The following AAR2 variants were observed in gnomAD, a reference collection of about 807,000 sequenced individuals.
AAR2 encodes protein AAR2 homolog.
A neutral mutation model predicts 26.9 loss-of-function variants in AAR2; 31 were observed. That is an observed-to-expected ratio of 1.15 (90% CI 0.86 to 1.55). The LOEUF (loss-of-function observed/expected upper bound fraction) is 1.55, where lower values mean the gene tolerates loss of function less well. Among genes scored for constraint, AAR2 ranks in the 40% most tolerant of loss-of-function variants. AAR2 has a pLI of 0.00. For synonymous variants in AAR2, 188 were observed against 196.1 expected (o/e 0.96, Z 0.34); for missense variants, 430 against 491.3 (o/e 0.88, Z 1.18).
intron 3 of AAR2, among the ~76,000 whole-genome samples, chr20:36,252,209 C>T (rs2064785380): frequency 6.6e-6 from 1 of 152,200 alleles, no homozygotes; most frequent in African/African-American, 2.4e-5. Flanking sequence ...ATGAGCCTTT[C>T]TTTCTCCCCA....
At chr20:36,242,407 T>C (rs2064692275) in intron 2 of AAR2, among the ~76,000 whole-genome samples, 1 of 145,946 alleles carries the variant, frequency 6.9e-6, no homozygotes, top group Non-Finnish European at 1.5e-5. Flanking sequence ...GTTGTTGTTG[T>C]TGAGACGGAG....
chr20:36,238,589 G>C (rs1279768399), intron 1 of AAR2, among the ~76,000 whole-genome samples: 2 of 151,774 alleles, frequency 1.3e-5, no homozygotes, highest in Non-Finnish European at 2.9e-5. Flanking sequence ...GACCCTCTCT[G>C]TACTAAAAAT....
chr20:36,245,216 G>A (rs542465154), intron 3 of AAR2, among the ~76,000 whole-genome samples: 8 of 152,196 alleles, frequency 5.3e-5, no homozygotes, highest in East Asian at 1.9e-4. Context: ...TTAAAACAGC[G>A]TTTCTTTCTC....
chr20:36,242,020 T>C (rs11700298), intron 2 of AAR2, among the ~76,000 whole-genome samples: 31,824 of 151,994 alleles, frequency 0.21, 3,426 homozygotes, highest in Middle Eastern at 0.25. Flanking sequence ...ATTTCTTAAA[T>C]ACTAGTGACA....
chr20:36,252,903 C>T (rs1317920966), intron 3 of AAR2, among the ~76,000 whole-genome samples: 1 of 152,190 alleles, frequency 6.6e-6, no homozygotes, highest in East Asian at 1.9e-4. Flanking sequence ...CAGGCGGGCT[C>T]CACTGGCTGC....
At chr20:36,242,942 C>T (rs1296840984) in intron 2 of AAR2, among the ~76,000 whole-genome samples, 2 of 148,960 alleles carry the variant, frequency 1.3e-5, no homozygotes, top group African/African-American at 5.0e-5. Flanking sequence ...ACTGCAGCCT[C>T]AACCTCCTGG....
At chr20:36,237,750 GTATTATTATTATTATTATTAT>G (rs71184090) in intron 1 of AAR2, among the ~76,000 whole-genome samples, 3,203 of 139,040 alleles carry the variant, frequency 0.023, 86 homozygotes, top group African/African-American at 0.068. Flanking sequence ...AAGATGATAC[GTATTATTATTATTATTATTAT>G]TATTATTATT....
rs770612106 is a variant in AAR2, at chr20:36,240,181, G to A, written c.313G>A (p.Glu105Lys). 6.2e-7 allele frequency: 1 copy of A among 1,614,174 alleles called. No homozygotes were observed. The highest frequency in any genetic ancestry group is 8.5e-7 in the Non-Finnish European group (1 of 1,180,014). Reference sequence around the variant, plus strand: ...AGAGGTAGACCTGTCCCCAGCCCCAGAGTCTGAGGTGGAGGCCATGAGGGC... The same window carrying A: ...AGAGGTAGACCTGTCCCCAGCCCCAAAGTCTGAGGTGGAGGCCATGAGGGC... ...REEVDLSPAP[E>K]SEVEAMRANL... Residue 105 changes from glutamate (E) to lysine (K), a missense_variant, in exon 2 of 4, where the codon GAG becomes AAG. Transcript: ENST00000320849.
chr20:36,248,744 C>A (rs182090015), intron 3 of AAR2, among the ~76,000 whole-genome samples: 55 of 152,096 alleles, frequency 3.6e-4, no homozygotes, highest in Middle Eastern at 3.4e-3. Flanking sequence ...TTAGGAGCAC[C>A]AAAGAGGGAG....
At chr20:36,251,910 G>T (rs1382576822) in intron 3 of AAR2, among the ~76,000 whole-genome samples, 2 of 152,238 alleles carry the variant, frequency 1.3e-5, no homozygotes. Flanking sequence ...ATTGCCAAGT[G>T]CAGGGCAGTC....
intron 2 of AAR2, 128 bp from the exon 3 acceptor site, chr20:36,244,569 G>C (rs1208200488): frequency 1.2e-6 from 1 of 844,312 alleles, no homozygotes; most frequent in South Asian, 1.6e-5. Context: ...GGCTCTGCAG[G>C]AGTGACAAGG....
At position 36,240,093 on chromosome 20, in the gene AAR2, G is replaced by C. The variant is rs147662826; in HGVS notation, c.225G>C (p.Met75Ile). 1.8e-5 allele frequency: 29 copies of C among 1,614,220 alleles called. No individual in the cohort carries two copies. The highest frequency in any genetic ancestry group is 2.1e-5 in the Non-Finnish European group (25 of 1,180,046). The change falls in exon 2 of 4, where the codon ATG becomes ATC. Residue 75 changes from methionine (M) to isoleucine (I), a missense_variant. Coordinates refer to ENST00000320849, the MANE Select transcript of AAR2 (RefSeq NM_001271874.2). ...ATCCGAAGGAAGTAGGCCCTCGTAT[G>C]GGTTTCTTCCTTAGCCTGCACCAGC... ...KANPKEVGPR[M>I]GFFLSLHQRG...
intron 3 of AAR2, among the ~76,000 whole-genome samples, chr20:36,247,804 G>A (rs2064748692): frequency 6.6e-6 from 1 of 152,070 alleles, no homozygotes. Context: ...GGGAAGCAGA[G>A]GTTGCAGTGA....
chr20:36,240,030 C>T lies in AAR2; in HGVS notation c.162C>T (p.Gly54=), dbSNP rs2064659431. The change falls in exon 2 of 4, where the codon GGC becomes GGT. Residue 54 remains glycine (G), a synonymous_variant. Coordinates refer to ENST00000320849, the MANE Select transcript of AAR2 (RefSeq NM_001271874.2). ...KFRGVKMIPP[G]IHFLHYSSVD... ...GGGGCGTGAAGATGATCCCTCCAGGCATCCACTTCCTCCACTACAGCTCTG... is the reference window on the plus strand; with the variant it reads ...GGGGCGTGAAGATGATCCCTCCAGGTATCCACTTCCTCCACTACAGCTCTG... The T allele has an allele frequency of 1.2e-6, 2 of 1,614,232 alleles. No homozygotes were observed. Among genetic ancestry groups the T allele is most frequent in the Non-Finnish European group, 1.7e-6 (2 of 1,180,034 alleles).
At position 36,256,111 on chromosome 20, in the gene AAR2, C is replaced by T. The variant is rs79591555; in HGVS notation, c.*366C>T. 1,047 of 182,544 alleles carry T rather than the reference C, an allele frequency of 5.7e-3. 6 individuals carry two copies. Among genetic ancestry groups the T allele is most frequent in the African/African-American group, 0.023 (985 of 42,648 alleles). The allele number at this position is 182,544 out of a possible 1,614,324, so 11.3% of individuals were successfully genotyped here. A position where few individuals can be genotyped will look rare whatever the true frequency, so the allele number is the denominator to read the frequency against. On this transcript the variant is annotated 3_prime_UTR_variant, in exon 4 of 4. Transcript: ENST00000320849. ...CCAAGAAAGAACTGATTGCTTGTTC[C>T]ATAGGAGCTTAGGAAACAAGAAACC...
intron 3 of AAR2, among the ~76,000 whole-genome samples, chr20:36,255,265 G>A (rs2064810106): frequency 6.6e-6 from 1 of 152,234 alleles, no homozygotes; most frequent in South Asian, 2.1e-4. Flanking sequence ...GTACCGACTG[G>A]TGTAGCTACT....
chr20:36,248,337 CTT>C (rs1395708568), intron 3 of AAR2, among the ~76,000 whole-genome samples: 39 of 139,582 alleles, frequency 2.8e-4, no homozygotes, highest in Admixed American at 3.6e-4. Flanking sequence ...TCTTCTTCTT[CTT>C]TTTTTTTTTT....
chr20:36,246,935 A>G (rs182832727), intron 3 of AAR2, among the ~76,000 whole-genome samples: 2 of 152,374 alleles, frequency 1.3e-5, no homozygotes, highest in Admixed American at 6.5e-5. Flanking sequence ...GAAAGTGTTG[A>G]GGAATATATA....
chr20:36,236,656 C>G (rs2064609409), intron 1 of AAR2, 153 bp downstream of exon 1: 1 of 152,340 alleles, frequency 6.6e-6, no homozygotes, highest in South Asian at 2.1e-4. Flanking sequence ...ACGCTGGTGT[C>G]TCTGGAGGCC....
Sources: gnomAD v4.1 joint callset for allele counts (sites outside exome capture counted in the v4.1 genomes callset) on GRCh38, gnomAD v4.1.1 for gene constraint, MANE v1.5 for transcripts, NCBI Gene and HGNC (gene_info 2026-07-23, HGNC 2026-07-21) for gene names.